The following DENND2C variants were observed in gnomAD, a reference collection of about 807,000 sequenced individuals.
DENND2C encodes the protein DENN domain containing 2C, also known as DENN domain-containing protein 2C.
DENND2C carries 72 observed loss-of-function variants against 112.4 expected under a neutral mutation model. The observed-to-expected ratio is 0.64, with a 90% confidence interval of 0.53 to 0.78. The LOEUF (loss-of-function observed/expected upper bound fraction) is 0.78. DENND2C is among the 30% of genes least tolerant of loss of function. The pLI is 0.00. For missense variants in DENND2C, 992 were observed against 1,113.8 expected (o/e 0.89, Z 1.56); for synonymous variants, 329 against 381.6 (o/e 0.86, Z 1.61).
chr1:114,629,102 C>T (rs974749499), intron 3 of DENND2C, among the ~76,000 whole-genome samples: 4 of 152,144 alleles, frequency 2.6e-5, no homozygotes, highest in African/African-American at 9.7e-5. Context: ...CTTTTAACAG[C>T]AGGAAATGAG....
chr1:114,636,662 G>A (rs1352978958), intron 3 of DENND2C, among the ~76,000 whole-genome samples: 1 of 152,012 alleles, frequency 6.6e-6, no homozygotes, highest in Non-Finnish European at 1.5e-5. Flanking sequence ...GTGAAACCCT[G>A]TCTCAAACAA....
chr1:114,629,055 AAC>A (rs1347853739), intron 3 of DENND2C, among the ~76,000 whole-genome samples: 1 of 152,250 alleles, frequency 6.6e-6, no homozygotes, highest in African/African-American at 2.4e-5. Context: ...GAGAAAATCT[AAC>A]AGTTTCAACA....
chr1:114,591,840 G>C (rs984294575), intron 18 of DENND2C, among the ~76,000 whole-genome samples: 1 of 111,142 alleles, frequency 9.0e-6, no homozygotes, highest in African/African-American at 3.5e-5. Context: ...TTCATATAGA[G>C]ACCAATTGTC....
chr1:114,611,031 T>C, intron 9 of DENND2C, 42 bp downstream of exon 9: 1 of 1,613,402 alleles, frequency 6.2e-7, no homozygotes, highest in African/African-American at 1.3e-5. Flanking sequence ...ACCTAACCCA[T>C]GATCATCACA....
chr1:114,664,081 G>C (rs1657580212), intron 1 of DENND2C, among the ~76,000 whole-genome samples: 1 of 151,658 alleles, frequency 6.6e-6, no homozygotes, highest in Admixed American at 6.6e-5. Context: ...TGGGACCACA[G>C]GCATGTGCCA....
At chr1:114,644,515 T>C (rs1156279368) in intron 3 of DENND2C, among the ~76,000 whole-genome samples, 1 of 152,186 alleles carries the variant, frequency 6.6e-6, no homozygotes, top group Non-Finnish European at 1.5e-5. Context: ...CTCCAATGAT[T>C]TGAAGCTGCC....
At position 114,600,237 on chromosome 1, in the gene DENND2C, T is replaced by A; in HGVS notation, c.2072A>T (p.Glu691Val). ...GTTGGCAACAAAGATTACCCTACGC[T>A]CCAAAAGGAGAGAGGCACAGACCCG... ...LIRVCASLLL[E>V]RRVIFVANSL... Residue 691 changes from glutamate to valine, a missense_variant, in exon 15 of 21, where the codon GAG becomes GTG. By Grantham distance (121) the Glu-to-Val change is moderately radical. This residue lies in a region of DENND2C where 516 missense variants were observed against 623.6 expected (regional missense o/e 0.83). Transcript: ENST00000393274. 2 of 1,614,040 alleles carry A rather than the reference T, an allele frequency of 1.2e-6. No homozygotes were observed. The highest frequency in any genetic ancestry group is 2.2e-5 in the South Asian group (2 of 91,070).
chr1:114,595,988 C>A, intron 16 of DENND2C, 115 bp from the exon 17 acceptor site: 1 of 860,602 alleles, frequency 1.2e-6, no homozygotes, highest in South Asian at 1.5e-5. Context: ...TAAAAGTTAG[C>A]CAATCAACAC....
chr1:114,590,288 G>A (rs573898474), intron 18 of DENND2C, among the ~76,000 whole-genome samples: 3 of 152,252 alleles, frequency 2.0e-5, no homozygotes, highest in African/African-American at 7.2e-5. Flanking sequence ...TACTCAAGAG[G>A]CTGAGGAAGG....
intron 3 of DENND2C, among the ~76,000 whole-genome samples, chr1:114,642,419 T>C (rs1656866397): frequency 6.6e-6 from 1 of 152,246 alleles, no homozygotes; most frequent in South Asian, 2.1e-4. Flanking sequence ...AATCTGGAAC[T>C]ATTAGCAGTC....
rs539354673 is a variant in DENND2C, at chr1:114,623,512, A to C, written c.938T>G (p.Ile313Ser). 2 of 1,601,850 alleles carry C rather than the reference A, an allele frequency of 1.2e-6. No homozygotes were observed. The highest frequency in any genetic ancestry group is 8.5e-7 in the Non-Finnish European group (1 of 1,175,176). ...TQSEDNIYED[I>S]IYPTKENPYE... ...GCAAAGTTGTCAACACCTACATATG[A>C]TATCTTCATAGATATTGTCCTCAGA... is the stretch of plus-strand genomic sequence containing the variant. The change falls in exon 5 of 21, where the codon ATC becomes AGC. Residue 313 changes from isoleucine to serine, a missense_variant. This residue lies in a region of DENND2C where 470 missense variants were observed against 472.7 expected (regional missense o/e 0.99). Coordinates refer to ENST00000393274, the MANE Select transcript of DENND2C (RefSeq NM_001256404.2).
intron 2 of DENND2C, among the ~76,000 whole-genome samples, chr1:114,650,046 A>T (rs796811593): frequency 5.3e-5 from 8 of 151,802 alleles, no homozygotes; most frequent in African/African-American, 1.9e-4. Context: ...TTTTGGCCAG[A>T]CTCGGTGGCT....
chr1:114,654,169 A>G (rs1461672144), intron 2 of DENND2C, among the ~76,000 whole-genome samples: 1 of 152,222 alleles, frequency 6.6e-6, no homozygotes, highest in Non-Finnish European at 1.5e-5. Context: ...ACGGTGGCTC[A>G]TGCCTGTAAT....
chr1:114,624,481 G>C (rs1656273255), intron 4 of DENND2C, among the ~76,000 whole-genome samples: 2 of 150,910 alleles, frequency 1.3e-5, no homozygotes, highest in Non-Finnish European at 1.5e-5. Flanking sequence ...TTTTTTTATA[G>C]AGACAGGGTC....
chr1:114,631,522 G>A (rs940217971), intron 3 of DENND2C, among the ~76,000 whole-genome samples: 3 of 152,086 alleles, frequency 2.0e-5, no homozygotes, highest in East Asian at 1.9e-4. Context: ...GGTGGCTCAC[G>A]CCTGTAATCC....
chr1:114,603,028 A>G (rs1361455118), intron 11 of DENND2C, among the ~76,000 whole-genome samples: 1 of 152,256 alleles, frequency 6.6e-6, no homozygotes, highest in Non-Finnish European at 1.5e-5. Flanking sequence ...AAAATTATTA[A>G]GAAAAATATC....
chr1:114,650,519 A>T (rs1657126517), intron 2 of DENND2C, among the ~76,000 whole-genome samples: 2 of 151,234 alleles, frequency 1.3e-5, no homozygotes, highest in African/African-American at 4.9e-5. Flanking sequence ...AAAAAAAAAA[A>T]AAAATTTAGC....
chr1:114,658,075 G>C (rs1657382947), intron 1 of DENND2C, among the ~76,000 whole-genome samples: 1 of 152,182 alleles, frequency 6.6e-6, no homozygotes, highest in Admixed American at 6.5e-5. Context: ...CTTTCCATCT[G>C]ATGGCTTCTA....
At chr1:114,660,949 A>G (rs919946029) in intron 1 of DENND2C, among the ~76,000 whole-genome samples, 1 of 152,040 alleles carries the variant, frequency 6.6e-6, no homozygotes, top group Middle Eastern at 3.4e-3. Context: ...TGTCTCTACT[A>G]AAAATACAAA....
Sources: gnomAD v4.1 joint callset for allele counts (sites outside exome capture counted in the v4.1 genomes callset) on GRCh38, gnomAD v4.1.1 for gene constraint, gnomAD v4.1.1 regional missense constraint, MANE v1.5 for transcripts, NCBI Gene and HGNC (gene_info 2026-07-23, HGNC 2026-07-21) for gene names.